RBFOX1: variants seen among roughly 807,000 people sequenced by gnomAD.
RBFOX1 encodes RNA binding protein fox-1 homolog 1.
In RBFOX1, 8 loss-of-function variants were observed where a neutral mutation model predicts 57.7. The ratio of observed to expected loss-of-function variants is 0.14; its 90% CI spans 0.08 to 0.25. RBFOX1 has a LOEUF of 0.25. Among genes scored for constraint, RBFOX1 ranks in the 10% least tolerant of loss-of-function variants. RBFOX1 has a pLI of 1.00. For synonymous variants in RBFOX1, 326 were observed against 222.4 expected (o/e 1.47, Z -4.15); for missense variants, 611 against 548.5 (o/e 1.11, Z -1.14).
chr16:6,839,640 C>T (rs1233797401), intron 3 of RBFOX1, among the ~76,000 whole-genome samples: 1 of 152,168 alleles, frequency 6.6e-6, no homozygotes, highest in Non-Finnish European at 1.5e-5. Flanking sequence ...AGCTGTGAGA[C>T]ACACAGCCTG....
At chr16:5,808,900 A>G (rs1336771453) in intron 3 of RBFOX1, among the ~76,000 whole-genome samples, 1 of 152,150 alleles carries the variant, frequency 6.6e-6, no homozygotes, top group East Asian at 1.9e-4. Flanking sequence ...TCCTAATTAA[A>G]TACCCTTTGT....
At chr16:7,017,456 C>G (rs2093973813) in intron 3 of RBFOX1, among the ~76,000 whole-genome samples, 1 of 152,164 alleles carries the variant, frequency 6.6e-6, no homozygotes, top group Admixed American at 6.6e-5. Context: ...ATGCAACGCA[C>G]ACACTGACGC....
rs1332417839 is a variant in RBFOX1 at position 5,840,551 on chromosome 16, A to G, written c.319-26752A>G. ...CTCCCCCACTGCCATCATGATCTTT[A>G]CATAAACACTGAGCTCTACAAGAAG... On this transcript the variant is annotated intron_variant, in intron 3 of 19. Transcript: ENST00000641259. Among the ~76,000 whole-genome samples, 8 of 152,294 alleles carry G rather than the reference A, an allele frequency of 5.3e-5. No homozygotes were observed. The East Asian group carries it at 1.4e-3, about 26-fold the overall frequency.
chr16:6,498,875 C>G (rs1176472155), intron 2 of RBFOX1, among the ~76,000 whole-genome samples: 1 of 152,140 alleles, frequency 6.6e-6, no homozygotes, highest in Non-Finnish European at 1.5e-5. Flanking sequence ...AGTATCTGAT[C>G]CCTCAACTAA....
intron 2 of RBFOX1, among the ~76,000 whole-genome samples, chr16:5,501,318 CAAAA>C (rs1160788118): frequency 0.098 from 6,318 of 64,628 alleles, 219 homozygotes; most frequent in African/African-American, 0.27. Context: ...ACTCTGTCTA[CAAAA>C]AAAAAAAAAA....
chr16:7,157,191 G>A (rs1427552441), intron 4 of RBFOX1, among the ~76,000 whole-genome samples: 1 of 152,198 alleles, frequency 6.6e-6, no homozygotes, highest in Non-Finnish European at 1.5e-5. Context: ...CCTTAGAATT[G>A]CAGGCTGGAA....
chr16:7,478,772 G>A (rs1302705736), intron 4 of RBFOX1, among the ~76,000 whole-genome samples: 3 of 152,172 alleles, frequency 2.0e-5, no homozygotes, highest in African/African-American at 4.8e-5. Context: ...TGCTGGATTT[G>A]TATGCTACTT....
chr16:7,067,789 G>C (rs2056446588), intron 4 of RBFOX1, among the ~76,000 whole-genome samples: 1 of 147,138 alleles, frequency 6.8e-6, no homozygotes, highest in South Asian at 2.1e-4. Flanking sequence ...TGTGTTGTTT[G>C]ATTTTTTGTC....
chr16:7,439,364 TTA>T (rs1491283720), intron 4 of RBFOX1, among the ~76,000 whole-genome samples: 2 of 131,242 alleles, frequency 1.5e-5, no homozygotes, highest in Non-Finnish European at 3.4e-5. Flanking sequence ...GAAAGGCAGA[TTA>T]AAAAAAAAAA....
chr16:6,029,115 G>A (rs12929156), intron 1 of RBFOX1, among the ~76,000 whole-genome samples: 46 of 152,166 alleles, frequency 3.0e-4, no homozygotes, highest in African/African-American at 1.1e-3. Flanking sequence ...GTGGTATTCA[G>A]ACAATAGCCT....
intron 2 of RBFOX1, among the ~76,000 whole-genome samples, chr16:5,544,306 C>T (rs1007617944): frequency 9.2e-5 from 14 of 152,066 alleles, no homozygotes; most frequent in Non-Finnish European, 1.9e-4. Flanking sequence ...TTTTTGAAAC[C>T]AGCACATGTT....
At position 5,853,469 on chromosome 16, in the gene RBFOX1, C is replaced by G. The variant is rs537444844; in HGVS notation, c.319-13834C>G. Among the ~76,000 whole-genome samples, 257 of 152,330 alleles carry G rather than the reference C, an allele frequency of 1.7e-3. 1 individual carries two copies. Among genetic ancestry groups the G allele is most frequent in the African/African-American group, 4.8e-3 (201 of 41,574 alleles). On this transcript the variant is annotated intron_variant, in intron 3 of 19. Coordinates refer to the RBFOX1 transcript ENST00000641259. ...GTCTGGTCTCAGCCTGAGTCGGACA[C>G]AGGCCCCAGCCAGGTAATCTAATCG...
rs149802247 is a variant in RBFOX1, at chr16:6,269,126, A to G, written c.-126-47869A>G. Among the ~76,000 whole-genome samples the G allele has an allele frequency of 5.9e-3, 903 of 152,338 alleles. 4 individuals carry two copies. Among genetic ancestry groups the G allele is most frequent in the Admixed American group, 0.018 (268 of 15,296 alleles). ...TATGTCAGCAAGAGGGACAACAACA[A>G]TAAGCATTAGTATGACAGATTTCTC... On this transcript the variant is annotated intron_variant, in intron 1 of 15. Coordinates refer to ENST00000550418, the MANE Select transcript of RBFOX1 (RefSeq NM_018723.4).
rs1467493906 is a variant in RBFOX1, at chr16:5,326,271, C to G, written c.219+86166C>G. ...AGAGCCAATGTGGCTAGCAGAGCCTCAAACTAACAGCTTTCGGATGTATGT... is the reference window on the plus strand; with the variant it reads ...AGAGCCAATGTGGCTAGCAGAGCCTGAAACTAACAGCTTTCGGATGTATGT... On this transcript the variant is annotated intron_variant, in intron 1 of 2. Coordinates refer to the RBFOX1 transcript ENST00000585867. Among the ~76,000 whole-genome samples the G allele has an allele frequency of 2.6e-5, 4 of 152,156 alleles. 1 individual carries two copies. The highest frequency in any genetic ancestry group is 7.2e-5 in the African/African-American group (3 of 41,434).
intron 3 of RBFOX1, among the ~76,000 whole-genome samples, chr16:5,745,982 G>C (rs11863959): frequency 0.036 from 5,490 of 152,144 alleles, 337 homozygotes; most frequent in African/African-American, 0.12. Context: ...GTTGCCATTG[G>C]TTTTGGTGTT....
intron 4 of RBFOX1, among the ~76,000 whole-genome samples, chr16:7,223,324 C>G (rs890041642): frequency 6.6e-6 from 1 of 152,164 alleles, no homozygotes; most frequent in African/African-American, 2.4e-5. Flanking sequence ...ATGATTTTTC[C>G]GTGAGGATAG....
intron 4 of RBFOX1, among the ~76,000 whole-genome samples, chr16:7,143,954 T>G (rs969739742): frequency 6.6e-6 from 1 of 152,202 alleles, no homozygotes; most frequent in African/African-American, 2.4e-5. Flanking sequence ...TAGTTTTTTT[T>G]CTGAAAACAA....
At chr16:7,469,864 A>G (rs1480752493) in intron 4 of RBFOX1, among the ~76,000 whole-genome samples, 2 of 152,148 alleles carry the variant, frequency 1.3e-5, no homozygotes, top group Non-Finnish European at 2.9e-5. Context: ...GCCCCTGGCT[A>G]CTTTCTACTT....
At chr16:6,912,557 CTTTG>C (rs2071926349) in intron 3 of RBFOX1, among the ~76,000 whole-genome samples, 1 of 151,852 alleles carries the variant, frequency 6.6e-6, no homozygotes, top group South Asian at 2.1e-4. Context: ...ATTCTTTTCT[CTTTG>C]TTTCTTTTAC....
Sources: allele counts gnomAD v4.1 joint callset (sites outside exome capture counted in the v4.1 genomes callset), GRCh38; gene constraint gnomAD v4.1.1; transcripts MANE v1.5; gene names NCBI Gene and HGNC (gene_info 2026-07-23, HGNC 2026-07-21).